COP1: variants seen among roughly 807,000 people sequenced by gnomAD.
COP1 encodes COP1 E3 ubiquitin ligase, also known as E3 ubiquitin-protein ligase COP1.
Under a neutral mutation model 101.3 loss-of-function variants are expected in COP1, and 24 were observed. That is an observed-to-expected ratio of 0.24 (90% CI 0.17 to 0.33). The LOEUF (loss-of-function observed/expected upper bound fraction) is 0.33. COP1 is among the 10% of genes least tolerant of loss of function. The pLI, the probability that COP1 is intolerant of heterozygous loss-of-function variation, is 1.00. For missense variants in COP1, 663 were observed against 906.2 expected (o/e 0.73, Z 3.45); for synonymous variants, 347 against 341.9 (o/e 1.01, Z -0.17).
chr1:176,094,240 C>A (rs2149469390), intron 9 of COP1, among the ~76,000 whole-genome samples: 1 of 151,994 alleles, frequency 6.6e-6, no homozygotes, highest in East Asian at 1.9e-4. Context: ...CTTGACATTT[C>A]TTAAATTTAT....
At position 175,992,560 on chromosome 1, in the gene COP1, G is replaced by A. The variant is rs569500953; in HGVS notation, c.1730-3081C>T. ...TCCCACCCTAATACTGCGCTTTACC[G>A]ACAGGCTTAAAAAATGGCGGACCAG... On this transcript the variant is annotated intron_variant, in intron 15 of 19. Coordinates refer to ENST00000367669, the MANE Select transcript of COP1 (RefSeq NM_022457.7). 3.9e-5 allele frequency among the ~76,000 whole-genome samples: 6 copies of A among 152,306 alleles called. No homozygotes were observed. The South Asian group carries it at 6.2e-4, about 16-fold the overall frequency.
intron 18 of COP1, among the ~76,000 whole-genome samples, chr1:175,971,734 G>A (rs1192632586): frequency 6.6e-6 from 1 of 152,210 alleles, no homozygotes; most frequent in Non-Finnish European, 1.5e-5. Flanking sequence ...TCAGGAGGCA[G>A]ATCTTTGACT....
chr1:175,956,522 T>C (rs952812850), intron 18 of COP1, among the ~76,000 whole-genome samples: 2 of 152,056 alleles, frequency 1.3e-5, no homozygotes, highest in African/African-American at 4.8e-5. Flanking sequence ...AAATTGGACT[T>C]CATCAAAAAT....
In COP1 at chr1:176,194,781, T is replaced by C. The variant is rs190277565; in HGVS notation, c.408-10089A>G. Among the ~76,000 whole-genome samples, 344 of 152,010 alleles carry C rather than the reference T, an allele frequency of 2.3e-3. 1 individual carries two copies. Among genetic ancestry groups the C allele is most frequent in the African/African-American group, 7.2e-3 (300 of 41,458 alleles). On this transcript the variant is annotated intron_variant, in intron 1 of 19. Transcript: ENST00000367669. ...TAAAAACATACCATGTAAACACTTA[T>C]GAAAAGAAAGCTAGGCCAGGTCAGT... is the stretch of plus-strand genomic sequence containing the variant.
intron 15 of COP1, among the ~76,000 whole-genome samples, chr1:176,005,560 CTTG>C (rs1662943806): frequency 6.6e-6 from 1 of 152,128 alleles, no homozygotes; most frequent in Non-Finnish European, 1.5e-5. Context: ...TGTCTTTGTT[CTTG>C]TTGTTTTCAA....
chr1:175,971,888 C>G (rs1388043989), intron 18 of COP1, among the ~76,000 whole-genome samples: 1 of 152,124 alleles, frequency 6.6e-6, no homozygotes, highest in Non-Finnish European at 1.5e-5. Context: ...AAGTGACCAA[C>G]AGACCATAGA....
intron 18 of COP1, among the ~76,000 whole-genome samples, chr1:175,980,455 A>T (rs191484144): frequency 6.6e-6 from 1 of 152,310 alleles, no homozygotes; most frequent in East Asian, 1.9e-4. Context: ...ATAAAATTTA[A>T]TGATGTAACT....
At position 176,206,651 on chromosome 1, in the gene COP1, T is replaced by TGCCGCTGCCTAGGCTGGA. The variant is rs1558317444; in HGVS notation, c.310_327dup (p.Ser105_Ser110dup). Reference sequence around the variant, plus strand: ...GGGGCGAGGAGAGGTCGCTTCCTGCTGCCGCTGCCTAGGCTGGAGCTGCTG... The same window carrying TGCCGCTGCCTAGGCTGGA: ...GGGGCGAGGAGAGGTCGCTTCCTGCTGCCGCTGCCTAGGCTGGAGCCGCTGCCTAGGCTGGAGCTGCTG... On this transcript the variant is annotated inframe_insertion, in exon 1 of 20. Coordinates refer to ENST00000367669, the MANE Select transcript of COP1 (RefSeq NM_022457.7). The TGCCGCTGCCTAGGCTGGA allele has an allele frequency of 1.9e-6, 3 of 1,611,664 alleles. No individual in the cohort carries two copies. In the South Asian group the frequency reaches 3.3e-5, roughly 18 times the overall value.
At chr1:175,977,180 T>C (rs1447073873) in intron 18 of COP1, among the ~76,000 whole-genome samples, 1 of 152,198 alleles carries the variant, frequency 6.6e-6, no homozygotes, top group African/African-American at 2.4e-5. Context: ...CAAAAGATCC[T>C]GAAGATAAAT....
At chr1:176,064,680 G>A (rs1370920964) in intron 11 of COP1, among the ~76,000 whole-genome samples, 1 of 152,006 alleles carries the variant, frequency 6.6e-6, no homozygotes, top group Non-Finnish European at 1.5e-5. Flanking sequence ...TTGAGATGGT[G>A]TCTTGCTCTG....
At chr1:175,950,761 A>C (rs1489734719) in intron 18 of COP1, among the ~76,000 whole-genome samples, 1 of 152,252 alleles carries the variant, frequency 6.6e-6, no homozygotes, top group African/African-American at 2.4e-5. Flanking sequence ...AAAAGACAAC[A>C]GAAAAATTAG....
At position 176,058,072 on chromosome 1, in the gene COP1, C is replaced by A. The variant is rs563912424; in HGVS notation, c.1278-11748G>T. ...CCCTCCGCCCGGCAGCCGCCCCGGC[C>A]GGGAGGGAGGTGGGGAGGTCAGCCC... On this transcript the variant is annotated intron_variant, in intron 11 of 19. Coordinates refer to ENST00000367669, the MANE Select transcript of COP1 (RefSeq NM_022457.7). 1.3e-4 allele frequency among the ~76,000 whole-genome samples: 15 copies of A among 119,886 alleles called. 1 individual carries two copies. Among genetic ancestry groups the A allele is most frequent in the Admixed American group, 7.4e-4 (9 of 12,114 alleles). The allele number at this position is 119,886 out of a possible 152,430, so 78.6% of individuals were successfully genotyped here. A position where few individuals can be genotyped will look rare whatever the true frequency, so the allele number is the denominator to read the frequency against.
chr1:176,082,777 C>A (rs1211101858), intron 10 of COP1, among the ~76,000 whole-genome samples: 1 of 151,236 alleles, frequency 6.6e-6, no homozygotes, highest in African/African-American at 2.4e-5. Flanking sequence ...TGCATTCCAG[C>A]CTGGGCAACG....
intron 14 of COP1, among the ~76,000 whole-genome samples, chr1:176,039,826 C>T (rs1571858820): frequency 6.6e-6 from 1 of 151,918 alleles, no homozygotes; most frequent in African/African-American, 2.4e-5. Context: ...ACAGTTTTTT[C>T]AACAAGTGAT....
At chr1:176,112,763 T>G (rs1033108374) in intron 9 of COP1, among the ~76,000 whole-genome samples, 12 of 152,108 alleles carry the variant, frequency 7.9e-5, no homozygotes, top group African/African-American at 2.9e-4. Context: ...TCTGCCTCCA[T>G]GAGATCCACT....
chr1:176,203,812 G>A (rs1015373138), intron 1 of COP1, among the ~76,000 whole-genome samples: 2 of 152,028 alleles, frequency 1.3e-5, no homozygotes, highest in African/African-American at 2.4e-5. Context: ...TCAAATATAA[G>A]TCAGGAGAGG....
intron 18 of COP1, among the ~76,000 whole-genome samples, chr1:175,949,183 A>AAAAAAAAAAAAAAAAAAAAAAG (rs1351718211): frequency 6.7e-6 from 1 of 148,546 alleles, no homozygotes; most frequent in Non-Finnish European, 1.5e-5. Context: ...AAAAAAAAAA[A>AAAAAAAAAAAAAAAAAAAAAAG]AAAAAAAAAT....
chr1:176,103,577 G>A (rs1683801651), intron 9 of COP1, among the ~76,000 whole-genome samples: 1 of 152,096 alleles, frequency 6.6e-6, no homozygotes, highest in Non-Finnish European at 1.5e-5. Flanking sequence ...AGTCCAAAAT[G>A]CTCCAATTAG....
At chr1:176,198,883 C>T (rs1371011122) in intron 1 of COP1, among the ~76,000 whole-genome samples, 1 of 152,166 alleles carries the variant, frequency 6.6e-6, no homozygotes, top group Non-Finnish European at 1.5e-5. Flanking sequence ...GATAAAACTA[C>T]ATATCCACAA....
Sources: allele counts gnomAD v4.1 joint callset (sites outside exome capture counted in the v4.1 genomes callset), GRCh38; gene constraint gnomAD v4.1.1; transcripts MANE v1.5; gene names NCBI Gene and HGNC (gene_info 2026-07-23, HGNC 2026-07-21).